The following EFNA5 variants were observed in gnomAD, a reference collection of about 807,000 sequenced individuals.
EFNA5 encodes the protein ephrin-A5.
EFNA5 carries 5 observed loss-of-function variants against 22.9 expected under a neutral mutation model. That is an observed-to-expected ratio of 0.22 (90% CI 0.11 to 0.46). The LOEUF (loss-of-function observed/expected upper bound fraction) is 0.46, where lower values mean the gene tolerates loss of function less well. Ranked by LOEUF, EFNA5 falls within the 20% of genes least tolerant of loss-of-function variation. The pLI is 0.99. For synonymous variants in EFNA5, 113 were observed against 112.2 expected, an observed-to-expected ratio of 1.01 and a Z score of -0.04; for missense variants, 237 against 293.3, an observed-to-expected ratio of 0.81 and a Z score of 1.40.
intron 2 of EFNA5, among the ~76,000 whole-genome samples, chr5:107,424,626 G>A (rs1748762057): frequency 6.6e-6 from 1 of 152,100 alleles, no homozygotes; most frequent in Non-Finnish European, 1.5e-5. Context: ...GGGCAGTGAA[G>A]CTTGTTCCTG....
At chr5:107,587,513 A>G (rs1749214638) in intron 1 of EFNA5, among the ~76,000 whole-genome samples, 2 of 151,942 alleles carry the variant, frequency 1.3e-5, no homozygotes, top group Non-Finnish European at 1.5e-5. Context: ...TGCCACCTAT[A>G]GTTTTTGTTG....
At chr5:107,485,227 C>T (rs1443783094) in intron 1 of EFNA5, among the ~76,000 whole-genome samples, 1 of 152,152 alleles carries the variant, frequency 6.6e-6, no homozygotes, top group Non-Finnish European at 1.5e-5. Context: ...CAGACTTCAA[C>T]TTGTAGCAGT....
chr5:107,389,291 G>A (rs569363234), intron 2 of EFNA5, among the ~76,000 whole-genome samples: 2 of 152,248 alleles, frequency 1.3e-5, no homozygotes, highest in South Asian at 2.1e-4. Context: ...TGCACTCTGC[G>A]GTTTGATCCA....
At chr5:107,483,514 T>C (rs1750541844) in intron 1 of EFNA5, among the ~76,000 whole-genome samples, 2 of 152,274 alleles carry the variant, frequency 1.3e-5, no homozygotes, top group South Asian at 2.1e-4. Context: ...AGAGCCTGGA[T>C]AAATCTCCCC....
chr5:107,397,186 G>A (rs1747949883), intron 2 of EFNA5, among the ~76,000 whole-genome samples: 1 of 152,110 alleles, frequency 6.6e-6, no homozygotes, highest in South Asian at 2.1e-4. Flanking sequence ...CCAGGACTGA[G>A]GCTGCAGTGA....
chr5:107,438,484 C>T (rs1228808388), intron 1 of EFNA5, among the ~76,000 whole-genome samples: 1 of 152,188 alleles, frequency 6.6e-6, no homozygotes, highest in East Asian at 1.9e-4. Flanking sequence ...AATCCAGAGA[C>T]TCCTTTGGTT....
At chr5:107,575,672 C>T (rs1748913404) in intron 1 of EFNA5, among the ~76,000 whole-genome samples, 1 of 152,002 alleles carries the variant, frequency 6.6e-6, no homozygotes, top group Non-Finnish European at 1.5e-5. Context: ...AAACAAGTAG[C>T]ACAGCACATA....
At chr5:107,414,215 T>C (rs186028167) in intron 2 of EFNA5, among the ~76,000 whole-genome samples, 1 of 152,268 alleles carries the variant, frequency 6.6e-6, no homozygotes, top group African/African-American at 2.4e-5. Flanking sequence ...TTACCTATCA[T>C]CTCCAGACAG....
chr5:107,641,868 C>T (rs1351146867), intron 1 of EFNA5, among the ~76,000 whole-genome samples: 2 of 152,028 alleles, frequency 1.3e-5, no homozygotes, highest in African/African-American at 4.8e-5. Context: ...AATGACTGTC[C>T]ACCCAGACAA....
At chr5:107,663,578 ATATCT>A (rs1477693446) in intron 1 of EFNA5, among the ~76,000 whole-genome samples, 1 of 152,138 alleles carries the variant, frequency 6.6e-6, no homozygotes, top group African/African-American at 2.4e-5. Flanking sequence ...AAGAATATTT[ATATCT>A]TATATCTCCT....
At chr5:107,518,891 C>T (rs1747537283) in intron 1 of EFNA5, among the ~76,000 whole-genome samples, 1 of 152,170 alleles carries the variant, frequency 6.6e-6, no homozygotes, top group Admixed American at 6.5e-5. Flanking sequence ...TATTTCCAGT[C>T]ATTGAGAGGA....
intron 1 of EFNA5, among the ~76,000 whole-genome samples, chr5:107,543,723 T>G: frequency 6.6e-6 from 1 of 152,132 alleles, no homozygotes; most frequent in East Asian, 1.9e-4. Context: ...AAAAAAACCC[T>G]TTTTTCATAG....
In EFNA5 at chr5:107,381,037, G is replaced by T; in HGVS notation, c.*218C>A. Reference sequence around the variant, plus strand: ...AGGGGTGAGAGAAGCCAAGGGCCAGGGCTGGGGGTGGGGCGGGGTGGGGTG... The same window carrying T: ...AGGGGTGAGAGAAGCCAAGGGCCAGTGCTGGGGGTGGGGCGGGGTGGGGTG... On this transcript the variant is annotated 3_prime_UTR_variant, in exon 5 of 5. Coordinates refer to ENST00000333274, the MANE Select transcript of EFNA5 (RefSeq NM_001962.3). 1.7e-6 allele frequency: 1 copy of T among 591,304 alleles called. No individual in the cohort carries two copies. The highest frequency in any genetic ancestry group is 2.8e-6 in the Non-Finnish European group (1 of 354,886). The allele number at this position is 591,304 out of a possible 1,614,324, so 36.6% of individuals were successfully genotyped here. A position where few individuals can be genotyped will look rare whatever the true frequency, so the allele number is the denominator to read the frequency against.
chr5:107,401,951 ACT>A (rs1354710933), intron 2 of EFNA5, among the ~76,000 whole-genome samples: 1 of 151,966 alleles, frequency 6.6e-6, no homozygotes, highest in Non-Finnish European at 1.5e-5. Context: ...TCTATTAAAG[ACT>A]CTACTTAGCT....
chr5:107,595,657 C>T (rs1306507673), intron 1 of EFNA5, among the ~76,000 whole-genome samples: 3 of 152,188 alleles, frequency 2.0e-5, no homozygotes, highest in African/African-American at 7.2e-5. Context: ...AGCTTCCCTG[C>T]AATGCCGGGG....
At chr5:107,634,929 G>A (rs1750340351) in intron 1 of EFNA5, among the ~76,000 whole-genome samples, 1 of 152,218 alleles carries the variant, frequency 6.6e-6, no homozygotes, top group East Asian at 1.9e-4. Flanking sequence ...TAAAATATAC[G>A]AAATTCAAAA....
At chr5:107,490,561 G>A (rs905188151) in intron 1 of EFNA5, among the ~76,000 whole-genome samples, 4 of 152,162 alleles carry the variant, frequency 2.6e-5, no homozygotes, top group Admixed American at 1.3e-4. Context: ...GCCTGCCAGC[G>A]AGGGGGTGAA....
chr5:107,637,473 G>T (rs1275319164), intron 1 of EFNA5, among the ~76,000 whole-genome samples: 1 of 151,452 alleles, frequency 6.6e-6, no homozygotes, highest in South Asian at 2.1e-4. Context: ...AAAGGTTCAA[G>T]ACCAAATATT....
At chr5:107,430,438 G>A (rs1350712888) in intron 1 of EFNA5, among the ~76,000 whole-genome samples, 4 of 152,032 alleles carry the variant, frequency 2.6e-5, no homozygotes, top group Non-Finnish European at 1.5e-5. Flanking sequence ...GCTTCCACTA[G>A]CATTTGGCAC....
Sources: allele counts gnomAD v4.1 joint callset (sites outside exome capture counted in the v4.1 genomes callset), GRCh38; gene constraint gnomAD v4.1.1; transcripts MANE v1.5; gene names NCBI Gene and HGNC (gene_info 2026-07-23, HGNC 2026-07-21).